RPS6KC1: variants seen among roughly 807,000 people sequenced by gnomAD.
RPS6KC1 encodes inactive ribosomal protein S6 kinase delta-1.
A neutral mutation model predicts 103.8 loss-of-function variants in RPS6KC1; 54 were observed. The observed-to-expected ratio is 0.52, with a 90% confidence interval of 0.42 to 0.65. RPS6KC1 has a LOEUF of 0.65. Among genes scored for constraint, RPS6KC1 ranks in the 30% least tolerant of loss-of-function variants. RPS6KC1 has a pLI of 0.00. For synonymous variants in RPS6KC1, 439 were observed against 438.7 expected, an observed-to-expected ratio of 1.00 and a Z score of -0.01; for missense variants, 1,151 against 1,253.8, an observed-to-expected ratio of 0.92 and a Z score of 1.24.
At chr1:213,375,342 CATAT>C in the RPS6KC1 span, among the ~76,000 whole-genome samples, 1 of 152,034 alleles carries the variant, frequency 6.6e-6, no homozygotes, top group Admixed American at 6.6e-5. Flanking sequence ...CACATACACA[CATAT>C]ACACACATAT....
the RPS6KC1 span, among the ~76,000 whole-genome samples, chr1:213,558,794 C>T: frequency 6.6e-6 from 1 of 152,160 alleles, no homozygotes. Context: ...CTCTTTAAGC[C>T]ATGTTCAAAT....
chr1:213,188,410 TTTTG>T (rs545969086), intron 8 of RPS6KC1, among the ~76,000 whole-genome samples: 86 of 151,932 alleles, frequency 5.7e-4, no homozygotes, highest in Admixed American at 1.4e-3. Context: ...CAGAGTTGTT[TTTTG>T]TTTGTTTGTT....
At chr1:213,817,150 C>T in the RPS6KC1 span, among the ~76,000 whole-genome samples, 2 of 152,182 alleles carry the variant, frequency 1.3e-5, no homozygotes, top group African/African-American at 4.8e-5. Flanking sequence ...AATGGGGATG[C>T]TGCCTTTGGC....
chr1:213,180,460 C>T (rs2092196888), intron 8 of RPS6KC1, among the ~76,000 whole-genome samples: 1 of 151,966 alleles, frequency 6.6e-6, no homozygotes, highest in Non-Finnish European at 1.5e-5. Flanking sequence ...AGCATATTGA[C>T]CAAAGGTGTG....
chr1:213,530,445 T>C, the RPS6KC1 span, among the ~76,000 whole-genome samples: 8 of 152,360 alleles, frequency 5.3e-5, no homozygotes, highest in African/African-American at 1.4e-4. Context: ...CTTCCAGGTC[T>C]GTCCCCAACT....
At chr1:213,313,336 G>T in the RPS6KC1 span, among the ~76,000 whole-genome samples, 1 of 150,988 alleles carries the variant, frequency 6.6e-6, no homozygotes, top group Non-Finnish European at 1.5e-5. Flanking sequence ...CAGTTGAGGT[G>T]TGTGGGTTTT....
At chr1:213,667,686 G>T in the RPS6KC1 span, among the ~76,000 whole-genome samples, 14 of 152,236 alleles carry the variant, frequency 9.2e-5, no homozygotes, top group Middle Eastern at 0.014. Context: ...TTTCTCTGTG[G>T]CATGTGATGC....
At chr1:213,823,755 A>ACACAC in the RPS6KC1 span, among the ~76,000 whole-genome samples, 4 of 100,622 alleles carry the variant, frequency 4.0e-5, no homozygotes, top group Admixed American at 9.8e-5. Context: ...CACACACACC[A>ACACAC]CACCACATCA....
At chr1:213,218,084 G>T (rs1159405577) in intron 8 of RPS6KC1, among the ~76,000 whole-genome samples, 3 of 152,062 alleles carry the variant, frequency 2.0e-5, no homozygotes, top group African/African-American at 7.2e-5. Flanking sequence ...AAGTCAAATT[G>T]TCCCTGTTTG....
the RPS6KC1 span, among the ~76,000 whole-genome samples, chr1:213,790,830 C>T: frequency 6.6e-6 from 1 of 152,136 alleles, no homozygotes; most frequent in Non-Finnish European, 1.5e-5. Context: ...AAGGTGACAT[C>T]AATACAAACT....
chr1:213,375,095 A>C, the RPS6KC1 span, among the ~76,000 whole-genome samples: 19 of 151,910 alleles, frequency 1.3e-4, no homozygotes, highest in Admixed American at 2.6e-4. Context: ...ACATCTACGC[A>C]TATATAAACA....
the RPS6KC1 span, among the ~76,000 whole-genome samples, chr1:213,283,941 T>C: frequency 4.6e-5 from 7 of 150,988 alleles, no homozygotes; most frequent in Non-Finnish European, 7.4e-5. Context: ...CATGTAAAAA[T>C]GCACAACAGA....
the RPS6KC1 span, among the ~76,000 whole-genome samples, chr1:213,583,944 T>C: frequency 6.6e-6 from 1 of 152,174 alleles, no homozygotes; most frequent in African/African-American, 2.4e-5. Flanking sequence ...ATTTGCATCT[T>C]GATATGGTTT....
At chr1:213,812,014 A>T in the RPS6KC1 span, among the ~76,000 whole-genome samples, 6 of 152,246 alleles carry the variant, frequency 3.9e-5, no homozygotes, top group African/African-American at 1.2e-4. Flanking sequence ...CTCAATAAAG[A>T]TATGTAATAA....
chr1:213,446,856 C>T, the RPS6KC1 span, among the ~76,000 whole-genome samples: 5 of 152,130 alleles, frequency 3.3e-5, no homozygotes, highest in East Asian at 1.9e-4. Flanking sequence ...ATTTGCCACT[C>T]GGATACATCA....
chr1:213,813,835 G>T, the RPS6KC1 span, among the ~76,000 whole-genome samples: 1 of 152,132 alleles, frequency 6.6e-6, no homozygotes, highest in Admixed American at 6.5e-5. Flanking sequence ...AGCATAGGAT[G>T]CCCAGATCAC....
chr1:213,104,597 T>A (rs771099130), intron 4 of RPS6KC1, 28 bp downstream of exon 4: 6 of 1,246,112 alleles, frequency 4.8e-6, no homozygotes. Context: ...GAATATTTTA[T>A]ATCTTATTAA....
the RPS6KC1 span, among the ~76,000 whole-genome samples, chr1:213,672,768 T>C: frequency 6.6e-6 from 1 of 152,174 alleles, no homozygotes; most frequent in Non-Finnish European, 1.5e-5. Flanking sequence ...TAACCAACAG[T>C]GGGCTAGATG....
intron 8 of RPS6KC1, among the ~76,000 whole-genome samples, chr1:213,216,138 A>G (rs1281422946): frequency 1.3e-5 from 2 of 152,166 alleles, no homozygotes; most frequent in Non-Finnish European, 2.9e-5. Flanking sequence ...AACCCATCTC[A>G]CATGCAGAGA....
Sources: gnomAD v4.1 joint callset for allele counts (sites outside exome capture counted in the v4.1 genomes callset) on GRCh38, gnomAD v4.1.1 for gene constraint, MANE v1.5 for transcripts, NCBI Gene and HGNC (gene_info 2026-07-23, HGNC 2026-07-21) for gene names.